Variants in APOD observed in about 807,000 individuals in gnomAD.
The protein encoded by APOD is apo-D.
Under a neutral mutation model 20.4 loss-of-function variants are expected in APOD, and 22 were observed. The observed-to-expected ratio is 1.08, with a 90% CI of 0.77 to 1.54. The LOEUF (loss-of-function observed/expected upper bound fraction) is 1.54. Among genes scored for constraint, APOD ranks in the 40% most tolerant of loss-of-function variants. APOD has a pLI of 0.00. For synonymous variants in APOD, 97 were observed against 92.4 expected (o/e 1.05, Z -0.29); for missense variants, 223 against 229.6 (o/e 0.97, Z 0.19).
intron 1 of APOD, among the ~76,000 whole-genome samples, chr3:195,580,361 C>CTTTTCT (rs1217094338): frequency 4.4e-5 from 3 of 68,930 alleles, no homozygotes; most frequent in Admixed American, 1.4e-4. Flanking sequence ...TTTCTTCTTT[C>CTTTTCT]TTTCTTCTTT....
intron 1 of APOD, among the ~76,000 whole-genome samples, chr3:195,581,369 G>A (rs1047629776): frequency 3.9e-5 from 6 of 152,160 alleles, no homozygotes; most frequent in Admixed American, 3.3e-4. Flanking sequence ...TAGAAATGCA[G>A]CCTAAACCCA....
chr3:195,580,992 C>T lies in APOD; in HGVS notation c.-34-1497G>A, dbSNP rs550908385. Among the ~76,000 whole-genome samples the T allele has an allele frequency of 2.6e-5, 4 of 152,318 alleles. No individual in the cohort carries two copies. The South Asian group carries it at 6.2e-4, about 24-fold the overall frequency. ...CTATTTCCAGCTCTCTGCATTTCTCCCTGTAATGATGATGACTGATGCAAT... is the reference window on the plus strand; with the variant it reads ...CTATTTCCAGCTCTCTGCATTTCTCTCTGTAATGATGATGACTGATGCAAT... On this transcript the variant is annotated intron_variant, in intron 1 of 4. Coordinates refer to ENST00000343267, the MANE Select transcript of APOD (RefSeq NM_001647.4).
chr3:195,579,519 G>A, intron 1 of APOD, 24 bp from the exon 2 acceptor site: 1 of 1,597,346 alleles, frequency 6.3e-7, no homozygotes, highest in African/African-American at 1.3e-5. Flanking sequence ...AAGCAGCTGG[G>A]GTTGTCATTC....
At chr3:195,580,695 G>A (rs892205320) in intron 1 of APOD, among the ~76,000 whole-genome samples, 3 of 152,166 alleles carry the variant, frequency 2.0e-5, no homozygotes, top group South Asian at 2.1e-4. Context: ...CTGAGCCACC[G>A]CACCCGGCCT....
At chr3:195,577,177 A>G (rs1241914676) in intron 2 of APOD, 1 of 338,192 alleles carries the variant, frequency 3.0e-6, no homozygotes, top group Non-Finnish European at 5.5e-6. Flanking sequence ...ACAAAGTGAG[A>G]CTCCGTCTCA....
At chr3:195,582,973 A>T (rs1720367267) in intron 1 of APOD, 1 of 151,842 alleles carries the variant, frequency 6.6e-6, no homozygotes, top group South Asian at 2.1e-4. Flanking sequence ...ACAGAATATG[A>T]GGTAATTAAA....
Position 195,571,270 on chromosome 3 carries a change from T to C in APOD, c.334+7A>G. 1 of 1,613,104 alleles carries C rather than the reference T, an allele frequency of 6.2e-7. No homozygotes were observed. Among genetic ancestry groups the C allele is most frequent in the Non-Finnish European group, 8.5e-7 (1 of 1,179,038 alleles). On this transcript the variant is annotated splice_region_variant and intron_variant, in intron 4 of 4. Coordinates refer to ENST00000343267, the MANE Select transcript of APOD (RefSeq NM_001647.4). The stretch of plus-strand genomic sequence containing the variant: ...CCTGAATCCTCCTGGGAAAAGTGGA[T>C]ACTTACACCAGGAAAACTTAACTTC...
Position 195,568,836 on chromosome 3 carries a change from G to GT in APOD, c.*63_*64insA, listed in dbSNP as rs1560456911. Reference sequence around the variant, plus strand: ...GGTTGATTGGTTTGTCTTTATGGGGGGGGGGTAGGGGAAAGCGAAGCAGAA... The same window carrying GT: ...GGTTGATTGGTTTGTCTTTATGGGGGTGGGGGTAGGGGAAAGCGAAGCAGAA... On this transcript the variant is annotated 3_prime_UTR_variant, in exon 5 of 5. Coordinates refer to ENST00000343267, the MANE Select transcript of APOD (RefSeq NM_001647.4). The GT allele has an allele frequency of 1.4e-5, 15 of 1,072,920 alleles. No homozygotes were observed. Among genetic ancestry groups the GT allele is most frequent in the East Asian group, 5.0e-5 (2 of 40,328 alleles). The allele number at this position is 1,072,920 out of a possible 1,614,324, so 66.5% of individuals were successfully genotyped here.
At chr3:195,573,092 C>T (rs1210011427) in intron 3 of APOD, among the ~76,000 whole-genome samples, 1 of 152,218 alleles carries the variant, frequency 6.6e-6, no homozygotes, top group African/African-American at 2.4e-5. Context: ...AACTTAGCAA[C>T]AAACCAGTCT....
At chr3:195,572,183 C>G (rs973634484) in intron 3 of APOD, among the ~76,000 whole-genome samples, 4 of 152,230 alleles carry the variant, frequency 2.6e-5, no homozygotes, top group Admixed American at 2.6e-4. Flanking sequence ...CGTTCCCCTT[C>G]TTTGGGCCTC....
At chr3:195,575,550 G>A (rs1720234394) in intron 2 of APOD, among the ~76,000 whole-genome samples, 1 of 152,006 alleles carries the variant, frequency 6.6e-6, no homozygotes, top group Non-Finnish European at 1.5e-5. Flanking sequence ...GAGGTGGGAG[G>A]GAAACTTTAT....
rs1720208512 is a variant in APOD, at chr3:195,573,920, C to T, written c.175G>A (p.Gly59Arg). 2 of 1,614,064 alleles carry T rather than the reference C, an allele frequency of 1.2e-6. No individual in the cohort carries two copies. The highest frequency in any genetic ancestry group is 3.3e-5 in the Admixed American group (2 of 60,000). The change falls in exon 3 of 5, where the codon GGA becomes AGA. Residue 59 changes from glycine (G) to arginine (R), a missense_variant. By Grantham distance (125) the Gly-to-Arg change is moderately radical (BLOSUM62 -2). Transcript: ENST00000343267. ...IEKIPTTFEN[G>R]RCIQANYSLM... ...GAGTAGTTGGCCTGGATGCAGCGTC[C>T]ATTCTCAAAGGTTGTTGGGATCTTC... is the stretch of plus-strand genomic sequence containing the variant.
At chr3:195,581,887 T>A (rs1720344097) in intron 1 of APOD, among the ~76,000 whole-genome samples, 1 of 152,206 alleles carries the variant, frequency 6.6e-6, no homozygotes, top group Non-Finnish European at 1.5e-5. Context: ...TTAAAACTCC[T>A]TGTGATGCCA....
rs769227949 is a variant in APOD at position 195,579,383 on chromosome 3, T to TC, written c.78dup (p.Lys27GlufsTer12). Reference sequence around the variant, plus strand: ...TCCTGCACCGGAGGATTGGGGCACTTCCCAAGATGAAATGCTTGTCCCTCT... The same window carrying TC: ...TCCTGCACCGGAGGATTGGGGCACTTCCCCAAGATGAAATGCTTGTCCCTCT... On this transcript the variant is annotated frameshift_variant, in exon 2 of 5. Transcript: ENST00000343267. LOFTEE classifies it high-confidence loss of function. 6.2e-7 allele frequency: 1 copy of TC among 1,614,192 alleles called. No individual in the cohort carries two copies. The highest frequency in any genetic ancestry group is 8.5e-7 in the Non-Finnish European group (1 of 1,180,038).
intron 3 of APOD, among the ~76,000 whole-genome samples, chr3:195,571,638 A>G (rs1295299618): frequency 6.6e-6 from 1 of 152,164 alleles, no homozygotes. Context: ...AGGATGGGAC[A>G]GTATGTTAGG....
At chr3:195,569,987 G>T (rs1005143953) in intron 4 of APOD, among the ~76,000 whole-genome samples, 3 of 151,732 alleles carry the variant, frequency 2.0e-5, no homozygotes, top group African/African-American at 4.8e-5. Flanking sequence ...CTTTAGTAGA[G>T]ACAGGGTTTC....
Position 195,582,097 on chromosome 3 carries a change from G to T in APOD, c.-35+1781C>A, listed in dbSNP as rs139121788. Among the ~76,000 whole-genome samples the T allele has an allele frequency of 7.2e-3, 1,099 of 152,238 alleles. 7 individuals are homozygous for T. The highest frequency in any genetic ancestry group is 9.7e-3 in the Non-Finnish European group (659 of 68,022). On this transcript the variant is annotated intron_variant, in intron 1 of 4. Coordinates refer to ENST00000343267, the MANE Select transcript of APOD (RefSeq NM_001647.4). ...TGCATGCCTGTAATCGGGAGGCTGA[G>T]GCAGGAGAATTGCTTGAACCCGGGA...
In APOD at chr3:195,569,119, C is replaced by G. The variant is rs140035450; in HGVS notation, c.351G>C (p.Pro117=). 8.5e-5 allele frequency: 137 copies of G among 1,614,008 alleles called. No homozygotes were observed. In the African/African-American group the frequency reaches 1.6e-3, roughly 19 times the overall value. ...VKFSWFMPSA[P]YWILATDYEN... ...CATAGTCGGTGGCCAGGATCCAGTACGGTGCCGATGGCATAACTGAGAACC... is the reference window on the plus strand; with the variant it reads ...CATAGTCGGTGGCCAGGATCCAGTAGGGTGCCGATGGCATAACTGAGAACC... The change falls in exon 5 of 5, where the codon CCG becomes CCC. Residue 117 remains proline (P), a synonymous_variant. Transcript: ENST00000343267.
chr3:195,574,596 C>T (rs188470710), intron 2 of APOD, among the ~76,000 whole-genome samples: 2 of 152,254 alleles, frequency 1.3e-5, no homozygotes, highest in East Asian at 3.9e-4. Flanking sequence ...ACAACCTCTG[C>T]GGAGGGCAGT....
Sources: allele counts gnomAD v4.1 joint callset (sites outside exome capture counted in the v4.1 genomes callset), GRCh38; gene constraint gnomAD v4.1.1; transcripts MANE v1.5; gene names NCBI Gene and HGNC (gene_info 2026-07-23, HGNC 2026-07-21).